Variants in SRRM4 observed in about 807,000 individuals in gnomAD.
SRRM4 encodes the protein serine/arginine repetitive matrix protein 4.
SRRM4 carries 33 observed loss-of-function variants against 68.9 expected under a neutral mutation model. The observed-to-expected ratio is 0.48, with a 90% CI of 0.36 to 0.64. The LOEUF is 0.64. Ranked by LOEUF, SRRM4 falls within the 30% of genes least tolerant of loss-of-function variation. The pLI, the probability that SRRM4 is intolerant of heterozygous loss-of-function variation, is 0.00. For synonymous variants in SRRM4, 318 were observed against 318.8 expected (o/e 1.00, Z 0.03); for missense variants, 817 against 827.1 (o/e 0.99, Z 0.15).
At chr12:119,045,142 C>T (rs1034464906) in intron 1 of SRRM4, among the ~76,000 whole-genome samples, 4 of 152,032 alleles carry the variant, frequency 2.6e-5, no homozygotes, top group African/African-American at 9.7e-5. Flanking sequence ...GGACTGAGAT[C>T]CAAAAGGTGG....
intron 4 of SRRM4, among the ~76,000 whole-genome samples, chr12:119,119,065 T>G (rs2136050929): frequency 6.6e-6 from 1 of 151,146 alleles, no homozygotes; most frequent in Admixed American, 6.6e-5. Context: ...TTTTTTTTTT[T>G]TTGTCTCTCC....
intron 1 of SRRM4, among the ~76,000 whole-genome samples, chr12:119,023,285 A>G (rs1317303419): frequency 3.9e-5 from 6 of 152,188 alleles, no homozygotes; most frequent in African/African-American, 1.4e-4. Flanking sequence ...TCCCTGGGTC[A>G]CAAAATGGAG....
At chr12:118,989,152 G>A (rs1255546043) in intron 1 of SRRM4, among the ~76,000 whole-genome samples, 4 of 151,364 alleles carry the variant, frequency 2.6e-5, no homozygotes, top group Admixed American at 2.0e-4. Context: ...GGTCCCAGGA[G>A]GGTTCTTGCC....
intron 1 of SRRM4, among the ~76,000 whole-genome samples, chr12:119,004,228 A>G (rs534117271): frequency 3.3e-5 from 5 of 152,122 alleles, no homozygotes; most frequent in Non-Finnish European, 5.9e-5. Context: ...CTGAGACCAT[A>G]AGATTCATGG....
intron 1 of SRRM4, among the ~76,000 whole-genome samples, chr12:119,012,971 C>G (rs576056685): frequency 1.4e-4 from 21 of 152,244 alleles, no homozygotes; most frequent in African/African-American, 4.3e-4. Flanking sequence ...GGAGGTAATG[C>G]TATTTACTCT....
At chr12:119,057,073 C>G (rs1024601412) in intron 1 of SRRM4, among the ~76,000 whole-genome samples, 2 of 152,168 alleles carry the variant, frequency 1.3e-5, no homozygotes, top group Non-Finnish European at 2.9e-5. Context: ...CCTAGATCAC[C>G]TCAAGGCTAA....
At chr12:119,153,371 A>AC (rs34002484) in intron 10 of SRRM4, among the ~76,000 whole-genome samples, 168 bp from the exon 11 acceptor site, 100,312 of 151,892 alleles carry the variant, frequency 0.66, 33,753 homozygotes, top group African/African-American at 0.78. Context: ...ATTATTAACC[A>AC]CCGGTGGGGA....
intron 1 of SRRM4, among the ~76,000 whole-genome samples, chr12:119,026,311 G>T (rs1329646505): frequency 2.0e-5 from 3 of 151,942 alleles, no homozygotes; most frequent in Non-Finnish European, 4.4e-5. Flanking sequence ...CTTGGAAGGT[G>T]ACAGGATCAC....
intron 2 of SRRM4, among the ~76,000 whole-genome samples, chr12:119,109,996 G>C (rs1042536996): frequency 1.3e-5 from 2 of 152,192 alleles, no homozygotes; most frequent in Non-Finnish European, 2.9e-5. Context: ...ATGTACAGAT[G>C]GGGTTTTGGT....
chr12:119,081,230 T>C (rs1241844439), intron 1 of SRRM4, among the ~76,000 whole-genome samples: 1 of 152,112 alleles, frequency 6.6e-6, no homozygotes, highest in Non-Finnish European at 1.5e-5. Flanking sequence ...TAATAAATAC[T>C]ATAGACAGAA....
At chr12:119,018,199 G>A (rs1042467460) in intron 1 of SRRM4, among the ~76,000 whole-genome samples, 2 of 152,118 alleles carry the variant, frequency 1.3e-5, no homozygotes, top group Non-Finnish European at 2.9e-5. Context: ...TCTCTGTGCT[G>A]GCTTTAAGGC....
intron 1 of SRRM4, among the ~76,000 whole-genome samples, chr12:118,999,586 A>T (rs188864395): frequency 3.3e-5 from 5 of 152,368 alleles, no homozygotes; most frequent in Admixed American, 2.0e-4. Context: ...GAAACAACTA[A>T]AACTAACAGA....
intron 1 of SRRM4, among the ~76,000 whole-genome samples, chr12:119,094,911 A>T (rs1954034268): frequency 6.6e-6 from 1 of 152,244 alleles, no homozygotes; most frequent in Non-Finnish European, 1.5e-5. Context: ...TTGAGTAATG[A>T]ATGAAATAAT....
At position 119,153,639 on chromosome 12, in the gene SRRM4, A is replaced by G. The variant is rs376470371; in HGVS notation, c.1381A>G (p.Ser461Gly). 3 of 1,554,386 alleles carry G rather than the reference A, an allele frequency of 1.9e-6. No individual in the cohort carries two copies. The highest frequency in any genetic ancestry group is 1.4e-5 in the African/African-American group (1 of 73,120). ...CCGCAGCCCTAGCTACTCCCGCTAC[A>G]GCCCCAGCAGGTACCGGCCCCGCCC... ...SRRSPSYSRYSPSRERDPKYS... is the reference protein window; with the variant it reads ...SRRSPSYSRYGPSRERDPKYS... Residue 461 changes from serine to glycine, a missense_variant, in exon 11 of 13, where the codon AGC (serine) becomes GGC (glycine). Physicochemically the swap from Ser to Gly is moderately conservative, Grantham distance 56. Coordinates refer to ENST00000267260, the MANE Select transcript of SRRM4 (RefSeq NM_194286.4).
At chr12:119,093,740 A>G (rs1362775332) in intron 1 of SRRM4, among the ~76,000 whole-genome samples, 1 of 152,152 alleles carries the variant, frequency 6.6e-6, no homozygotes, top group African/African-American at 2.4e-5. Context: ...TACCTTTTGA[A>G]CACCCTGCTC....
At chr12:119,057,177 G>T (rs928296021) in intron 1 of SRRM4, among the ~76,000 whole-genome samples, 2 of 152,112 alleles carry the variant, frequency 1.3e-5, no homozygotes, top group Admixed American at 6.5e-5. Flanking sequence ...AAATAGTTGG[G>T]TTTTTTTCTT....
At chr12:119,031,858 A>G (rs904652637) in intron 1 of SRRM4, among the ~76,000 whole-genome samples, 2 of 152,134 alleles carry the variant, frequency 1.3e-5, no homozygotes, top group Non-Finnish European at 1.5e-5. Flanking sequence ...TTTAATGCAT[A>G]TCTTAGATAT....
At chr12:119,009,884 T>C (rs550141653) in intron 1 of SRRM4, among the ~76,000 whole-genome samples, 6 of 152,176 alleles carry the variant, frequency 3.9e-5, no homozygotes, top group Non-Finnish European at 8.8e-5. Flanking sequence ...TTTTCAGATG[T>C]TCCCCCTTCG....
chr12:118,982,686 T>TGTTTG (rs1249788875), intron 1 of SRRM4, among the ~76,000 whole-genome samples: 2 of 141,202 alleles, frequency 1.4e-5, no homozygotes, highest in Admixed American at 7.0e-5. Flanking sequence ...TTTGTTTTTT[T>TGTTTG]TTTTTTTTTC....
Sources: gnomAD v4.1 joint callset for allele counts (sites outside exome capture counted in the v4.1 genomes callset) on GRCh38, gnomAD v4.1.1 for gene constraint, MANE v1.5 for transcripts, NCBI Gene and HGNC (gene_info 2026-07-23, HGNC 2026-07-21) for gene names.